DYRK1A: variants seen among roughly 807,000 people sequenced by gnomAD.
DYRK1A encodes the protein dual specificity tyrosine phosphorylation regulated kinase 1A, also known as dual specificity tyrosine-phosphorylation-regulated kinase 1A.
DYRK1A carries 9 observed loss-of-function variants against 79.7 expected under a neutral mutation model. The observed-to-expected ratio is 0.11, with a 90% confidence interval of 0.07 to 0.20. DYRK1A has a LOEUF of 0.20. DYRK1A is among the 10% of genes least tolerant of loss of function. The pLI is 1.00. For missense variants in DYRK1A, 622 were observed against 956.0 expected (o/e 0.65, Z 4.61); for synonymous variants, 349 against 329.7 (o/e 1.06, Z -0.63).
chr21:37,403,886 C>T (rs1349851292), intron 1 of DYRK1A, among the ~76,000 whole-genome samples: 2 of 150,794 alleles, frequency 1.3e-5, no homozygotes, highest in Non-Finnish European at 2.9e-5. Context: ...TGGTTTTATA[C>T]TTTATTAAGG....
chr21:37,386,709 T>A (rs940536199), intron 1 of DYRK1A, among the ~76,000 whole-genome samples: 2 of 152,062 alleles, frequency 1.3e-5, no homozygotes, highest in African/African-American at 4.8e-5. Flanking sequence ...AGGGACAGGC[T>A]CAGGGGCTAA....
rs1008427636 is a variant in DYRK1A, at chr21:37,517,409, A to G, written c.*4878A>G. 3.9e-5 allele frequency: 6 copies of G among 152,220 alleles called. No individual in the cohort carries two copies. The highest frequency in any genetic ancestry group is 8.8e-5 in the Non-Finnish European group (6 of 68,036). 9.4% of individuals were successfully genotyped at this position (152,220 alleles called of 1,614,324 possible). A position where few individuals can be genotyped will look rare whatever the true frequency, so the allele number is the denominator to read the frequency against. On this transcript the variant is annotated 3_prime_UTR_variant, in exon 12 of 12. Coordinates refer to ENST00000647188, the MANE Select transcript of DYRK1A (RefSeq NM_001347721.2). ...TAATGTTTCATCTGTCTGAAAGACC[A>G]GCTATTTGATAATCTTCCCGATTAA...
At chr21:37,484,026 G>C in intron 5 of DYRK1A, among the ~76,000 whole-genome samples, 1 of 152,170 alleles carries the variant, frequency 6.6e-6, no homozygotes, top group East Asian at 1.9e-4. Context: ...CTACACAGCA[G>C]GAGGTGAGTG....
chr21:37,440,130 C>CTTTTTTTTTTTTTTGTTTTTTTT (rs2051051615), intron 2 of DYRK1A, among the ~76,000 whole-genome samples: 1 of 37,744 alleles, frequency 2.6e-5, no homozygotes, highest in Non-Finnish European at 5.2e-5. Context: ...TTGTTTGCTC[C>CTTTTTTTTTTTTTTGTTTTTTTT]TTTTTTTTTT....
intron 1 of DYRK1A, among the ~76,000 whole-genome samples, chr21:37,390,867 G>C (rs952293271): frequency 1.3e-5 from 2 of 152,202 alleles, no homozygotes; most frequent in African/African-American, 4.8e-5. Context: ...ACCACGCCCG[G>C]CCTGTTACTG....
chr21:37,410,882 T>A (rs976039225), intron 1 of DYRK1A, among the ~76,000 whole-genome samples: 2 of 151,916 alleles, frequency 1.3e-5, no homozygotes, highest in African/African-American at 4.8e-5. Context: ...ACTCTGTCTC[T>A]ACTAAAAATA....
chr21:37,408,903 A>G lies in DYRK1A; in HGVS notation c.-76-11396A>G, dbSNP rs371178756. Among the ~76,000 whole-genome samples the G allele has an allele frequency of 1.7e-4, 26 of 152,290 alleles. No individual in the cohort carries two copies. The East Asian group carries it at 3.1e-3, about 18-fold the overall frequency. Reference sequence around the variant, plus strand: ...AGGTGAACAGGGCTTTTTCCACTTCAGGGGCTAGAGGCTGACATGCATGCA... The same window carrying G: ...AGGTGAACAGGGCTTTTTCCACTTCGGGGGCTAGAGGCTGACATGCATGCA... On this transcript the variant is annotated intron_variant, in intron 1 of 11. Coordinates refer to ENST00000647188, the MANE Select transcript of DYRK1A (RefSeq NM_001347721.2).
chr21:37,409,978 T>C (rs970147596), intron 1 of DYRK1A, among the ~76,000 whole-genome samples: 2 of 152,234 alleles, frequency 1.3e-5, no homozygotes, highest in African/African-American at 4.8e-5. Flanking sequence ...ATTTTGTATA[T>C]TCTGTTATGA....
chr21:37,427,083 A>G (rs1340577622), intron 2 of DYRK1A, among the ~76,000 whole-genome samples: 2 of 152,208 alleles, frequency 1.3e-5, no homozygotes, highest in African/African-American at 4.8e-5. Context: ...GATACTAACA[A>G]TATAACTCAA....
intron 9 of DYRK1A, among the ~76,000 whole-genome samples, chr21:37,498,176 A>G (rs1200154918): frequency 1.3e-5 from 2 of 152,192 alleles, no homozygotes; most frequent in African/African-American, 2.4e-5. Flanking sequence ...TAAATACTAT[A>G]TATTTTTTTC....
At chr21:37,446,143 C>T (rs1351113262) in intron 2 of DYRK1A, among the ~76,000 whole-genome samples, 2 of 152,186 alleles carry the variant, frequency 1.3e-5, no homozygotes, top group East Asian at 3.8e-4. Flanking sequence ...GTGACCCACA[C>T]CTGCTGTCCT....
upstream of DYRK1A, among the ~76,000 whole-genome samples, chr21:37,366,367 G>T (rs1291494204): frequency 6.9e-6 from 1 of 145,116 alleles, no homozygotes; most frequent in South Asian, 2.1e-4. Context: ...GCGGCGGCGC[G>T]GGAGGCCGCG....
chr21:37,465,987 T>C (rs1293142229), intron 2 of DYRK1A, among the ~76,000 whole-genome samples: 1 of 152,252 alleles, frequency 6.6e-6, no homozygotes, highest in Non-Finnish European at 1.5e-5. Context: ...AAGACAGTGC[T>C]GATGCAGCCC....
At chr21:37,455,019 CTTTTT>C (rs72223324) in intron 2 of DYRK1A, among the ~76,000 whole-genome samples, 17 of 116,846 alleles carry the variant, frequency 1.5e-4, no homozygotes, top group East Asian at 1.4e-3. Flanking sequence ...GGGTGGTCAC[CTTTTT>C]TTTTTTTTTT....
rs1301722468 is a variant in DYRK1A at position 37,525,427 on chromosome 21, A to C, written c.*12896A>C. ...ATGAGACTTACTCACTATTATGAGAACAGCATGGTAAAATCCTGCCTCCAT... is the reference window on the plus strand; with the variant it reads ...ATGAGACTTACTCACTATTATGAGACCAGCATGGTAAAATCCTGCCTCCAT... On this transcript the variant is annotated 3_prime_UTR_variant, in exon 12 of 12. Transcript: ENST00000647188. The C allele has an allele frequency of 2.6e-5, 4 of 152,200 alleles. No individual in the cohort carries two copies. The East Asian group carries it at 7.7e-4, about 29-fold the overall frequency. 9.4% of individuals were successfully genotyped at this position (152,200 alleles called of 1,614,324 possible).
At chr21:37,421,860 G>A (rs775607813) in intron 2 of DYRK1A, 5 of 152,080 alleles carry the variant, frequency 3.3e-5, no homozygotes, top group Non-Finnish European at 7.4e-5. Context: ...GCTCACTTTC[G>A]ACTGAGGTCA....
At chr21:37,395,214 A>C (rs1264897573) in intron 1 of DYRK1A, among the ~76,000 whole-genome samples, 2 of 152,256 alleles carry the variant, frequency 1.3e-5, no homozygotes, top group African/African-American at 4.8e-5. Flanking sequence ...AAAGCTCACT[A>C]GGAAATGTAG....
intron 1 of DYRK1A, among the ~76,000 whole-genome samples, chr21:37,399,256 G>A (rs1052108002): frequency 1.7e-4 from 26 of 152,060 alleles, no homozygotes; most frequent in African/African-American, 5.1e-4. Context: ...TCAAATAAGT[G>A]GATTTTCCTT....
intron 8 of DYRK1A, among the ~76,000 whole-genome samples, chr21:37,494,135 G>C (rs770856368): frequency 8.6e-5 from 13 of 151,654 alleles, no homozygotes; most frequent in Non-Finnish European, 1.9e-4. Flanking sequence ...CAAGTGGTCT[G>C]CCCGTCTCAG....
Sources: gnomAD v4.1 joint callset for allele counts (sites outside exome capture counted in the v4.1 genomes callset) on GRCh38, gnomAD v4.1.1 for gene constraint, MANE v1.5 for transcripts, NCBI Gene and HGNC (gene_info 2026-07-23, HGNC 2026-07-21) for gene names.